Variants in NFATC3 observed in about 807,000 individuals in gnomAD.
NFATC3 encodes nuclear factor of activated T cells 3, also known as nuclear factor of activated T-cells, cytoplasmic 3.
Under a neutral mutation model 98.6 loss-of-function variants are expected in NFATC3, and 46 were observed. The ratio of observed to expected loss-of-function variants is 0.47; its 90% CI spans 0.37 to 0.60. The LOEUF is 0.60. Among genes scored for constraint, NFATC3 ranks in the 20% least tolerant of loss-of-function variants. NFATC3 has a pLI of 0.00. For synonymous variants in NFATC3, 512 were observed against 472.2 expected, an observed-to-expected ratio of 1.08 and a Z score of -1.09; for missense variants, 1,256 against 1,295.5, an observed-to-expected ratio of 0.97 and a Z score of 0.47.
chr16:68,132,380 G>A (rs1352402324), intron 3 of NFATC3, among the ~76,000 whole-genome samples: 2 of 152,092 alleles, frequency 1.3e-5, no homozygotes, highest in African/African-American at 4.8e-5. Flanking sequence ...TCATCCATCA[G>A]GAAGAGTAAT....
chr16:68,190,409 G>A (rs1392980835), intron 8 of NFATC3, among the ~76,000 whole-genome samples: 1 of 152,120 alleles, frequency 6.6e-6, no homozygotes, highest in Non-Finnish European at 1.5e-5. Context: ...TTTTGAATAG[G>A]TAATAAATAC....
rs1567560145 is a variant in NFATC3, at chr16:68,227,302, A to G, written c.*831A>G. On this transcript the variant is annotated 3_prime_UTR_variant, in exon 10 of 10. Transcript: ENST00000346183. ...GGTCACTTTCATTTCTTGCCATCAT[A>G]AAAACTAGTAGGCTGTGGAGTGCGC... is the stretch of plus-strand genomic sequence containing the variant. 1 of 152,184 alleles carries G rather than the reference A, an allele frequency of 6.6e-6. No individual in the cohort carries two copies. The highest frequency in any genetic ancestry group is 1.5e-5 in the Non-Finnish European group (1 of 68,042). The allele number at this position is 152,184 out of a possible 1,614,324, so 9.4% of individuals were successfully genotyped here.
intron 3 of NFATC3, among the ~76,000 whole-genome samples, chr16:68,129,350 G>C (rs2037003176): frequency 6.6e-6 from 1 of 152,098 alleles, no homozygotes; most frequent in African/African-American, 2.4e-5. Context: ...TCTTGTAAAT[G>C]ACTTTTTGTT....
At chr16:68,101,403 C>G (rs576665277) in intron 1 of NFATC3, among the ~76,000 whole-genome samples, 1 of 152,138 alleles carries the variant, frequency 6.6e-6, no homozygotes, top group African/African-American at 2.4e-5. Context: ...CTTGGCCTCC[C>G]AAAGTGTTGG....
In NFATC3 at chr16:68,085,638, C is replaced by T; in HGVS notation, c.-44C>T. ...CTGCTGCCGCCGCTTGCCGCTGCCG[C>T]CGCCGCCGCCTGAGGAGGAGCTGCA... On this transcript the variant is annotated 5_prime_UTR_variant, in exon 1 of 10. Transcript: ENST00000346183. 2 of 1,467,148 alleles carry T rather than the reference C, an allele frequency of 1.4e-6. No homozygotes were observed. The highest frequency in any genetic ancestry group is 9.0e-7 in the Non-Finnish European group (1 of 1,109,000). The allele number at this position is 1,467,148 out of a possible 1,614,324, so 90.9% of individuals were successfully genotyped here.
chr16:68,100,542 C>G (rs184039852), intron 1 of NFATC3, among the ~76,000 whole-genome samples: 23 of 152,028 alleles, frequency 1.5e-4, no homozygotes, highest in Non-Finnish European at 3.1e-4. Context: ...CCGCTGTACT[C>G]CAGCCTGAGC....
intron 6 of NFATC3, 76 bp downstream of exon 6, chr16:68,174,590 C>T: frequency 1.6e-6 from 2 of 1,217,798 alleles, no homozygotes; most frequent in Non-Finnish European, 2.2e-6. Flanking sequence ...GTTTCTGTAA[C>T]AAAAATTACA....
At position 68,123,131 on chromosome 16, in the gene NFATC3, T is replaced by A; in HGVS notation, c.1238+10T>A. On this transcript the variant is annotated intron_variant, in intron 2 of 9. Transcript: ENST00000346183. Reference sequence around the variant, plus strand: ...ACACCCCTATATTTCGGTGAGTTGATGGAAATGGCTGCTGGTCATTTTTCA... The same window carrying A: ...ACACCCCTATATTTCGGTGAGTTGAAGGAAATGGCTGCTGGTCATTTTTCA... 6.3e-7 allele frequency: 1 copy of A among 1,582,160 alleles called. No homozygotes were observed. Among genetic ancestry groups the A allele is most frequent in the Non-Finnish European group, 8.5e-7 (1 of 1,172,002 alleles).
intron 9 of NFATC3, among the ~76,000 whole-genome samples, chr16:68,218,632 G>A (rs1165244826): frequency 2.7e-5 from 4 of 148,244 alleles, no homozygotes; most frequent in African/African-American, 7.5e-5. Context: ...GGAGTGCAGT[G>A]TGCGATCTTG....
In NFATC3 at chr16:68,122,742, C is replaced by T. The variant is rs747903639; in HGVS notation, c.859C>T (p.Leu287Phe). The change falls in exon 2 of 10, where the codon CTT (leucine) becomes TTT (phenylalanine). Residue 287 changes from leucine (L) to phenylalanine (F), a missense_variant. By Grantham distance (22) the Leu-to-Phe change is conservative. This residue lies in a region of NFATC3 where 464 missense variants were observed against 465.7 expected (regional missense o/e 1.00). Coordinates refer to ENST00000346183, the MANE Select transcript of NFATC3 (RefSeq NM_173165.3). ...TGCTGAAGTTTGTTATGCTGGGTCC[C>T]TTTCACCCCATCACTCACCTGTTCC... ...SSAEVCYAGS[L>F]SPHHSPVPSP... The T allele has an allele frequency of 1.9e-6, 3 of 1,614,110 alleles. No individual in the cohort carries two copies. The African/African-American group carries it at 4.0e-5, about 22-fold the overall frequency.
intron 1 of NFATC3, among the ~76,000 whole-genome samples, chr16:68,113,299 G>C (rs1427818711): frequency 6.6e-6 from 1 of 152,272 alleles, no homozygotes; most frequent in African/African-American, 2.4e-5. Flanking sequence ...TGTTGTTGTT[G>C]TTGCTTTCTG....
intron 1 of NFATC3, among the ~76,000 whole-genome samples, chr16:68,103,035 T>C (rs2151465745): frequency 6.6e-6 from 1 of 152,308 alleles, no homozygotes; most frequent in Non-Finnish European, 1.5e-5. Context: ...ATGTGCTTTG[T>C]CCATTTTTTA....
At chr16:68,126,174 G>A (rs377160125) in intron 2 of NFATC3, among the ~76,000 whole-genome samples, 4 of 152,086 alleles carry the variant, frequency 2.6e-5, no homozygotes, top group African/African-American at 7.2e-5. Context: ...ATGAGCCACC[G>A]CACCTGGCCT....
chr16:68,138,404 C>G, intron 3 of NFATC3: 1 of 791,526 alleles, frequency 1.3e-6, no homozygotes, highest in Non-Finnish European at 1.7e-6. Context: ...TTGGATTAAT[C>G]ATGGTAGCCT....
intron 3 of NFATC3, among the ~76,000 whole-genome samples, chr16:68,148,031 A>G (rs1041520290): frequency 1.3e-5 from 2 of 151,874 alleles, no homozygotes; most frequent in Admixed American, 1.3e-4. Context: ...TTATTTAGAG[A>G]TGGAGTTTTG....
chr16:68,172,068 C>G (rs13330541), intron 5 of NFATC3, among the ~76,000 whole-genome samples: 1 of 150,530 alleles, frequency 6.6e-6, no homozygotes, highest in Non-Finnish European at 1.5e-5. Context: ...CTCCTGACCT[C>G]GTTATCCGCC....
At chr16:68,101,030 T>G (rs1469208434) in intron 1 of NFATC3, among the ~76,000 whole-genome samples, 1 of 152,172 alleles carries the variant, frequency 6.6e-6, no homozygotes, top group Non-Finnish European at 1.5e-5. Context: ...AAGTTTTACA[T>G]TTTGATGAAG....
At chr16:68,201,713 G>A (rs573966459) in intron 9 of NFATC3, among the ~76,000 whole-genome samples, 1 of 151,366 alleles carries the variant, frequency 6.6e-6, no homozygotes, top group South Asian at 2.1e-4. Flanking sequence ...CACTTTGGGA[G>A]GCTTAGGTGG....
intron 1 of NFATC3, among the ~76,000 whole-genome samples, chr16:68,107,031 T>C (rs1179252770): frequency 6.6e-6 from 1 of 152,166 alleles, no homozygotes; most frequent in Non-Finnish European, 1.5e-5. Context: ...TTTCTGTTCC[T>C]GCATTAGTTT....
Sources: gnomAD v4.1 joint callset for allele counts (sites outside exome capture counted in the v4.1 genomes callset) on GRCh38, gnomAD v4.1.1 for gene constraint, gnomAD v4.1.1 regional missense constraint, MANE v1.5 for transcripts, NCBI Gene and HGNC (gene_info 2026-07-23, HGNC 2026-07-21) for gene names.